EBPL: variants seen among roughly 807,000 people sequenced by gnomAD.
EBPL encodes EBP like.
A neutral mutation model predicts 19.0 loss-of-function variants in EBPL; 20 were observed. The ratio of observed to expected loss-of-function variants is 1.05; its 90% CI spans 0.74 to 1.53. The LOEUF (loss-of-function observed/expected upper bound fraction) is 1.53. Among genes scored for constraint, EBPL ranks in the 40% most tolerant of loss-of-function variants. The probability of loss-of-function intolerance (pLI) is 0.00; values close to 1 mark genes in which losing one functional copy is unlikely to be tolerated. For synonymous variants in EBPL, 107 were observed against 117.0 expected, an observed-to-expected ratio of 0.91 and a Z score of 0.55; for missense variants, 219 against 261.1, an observed-to-expected ratio of 0.84 and a Z score of 1.11.
At chr13:49,675,197 AT>A (rs1202606507) in intron 1 of EBPL, among the ~76,000 whole-genome samples, 1 of 152,228 alleles carries the variant, frequency 6.6e-6, no homozygotes, top group African/African-American at 2.4e-5. Context: ...CGTAGGCTAT[AT>A]GGATAGCCTT....
chr13:49,685,937 G>A (rs556180207), intron 1 of EBPL, among the ~76,000 whole-genome samples: 73 of 152,184 alleles, frequency 4.8e-4, no homozygotes, highest in Middle Eastern at 3.4e-3. Context: ...ACGGTGATGT[G>A]AACTGGAGAA....
chr13:49,669,691 T>C, intron 2 of EBPL, 86 bp downstream of exon 2: 6 of 1,136,278 alleles, frequency 5.3e-6, no homozygotes, highest in East Asian at 2.4e-5. Flanking sequence ...AATGAAGTCA[T>C]ACAGTATATA....
intron 2 of EBPL, among the ~76,000 whole-genome samples, chr13:49,664,001 C>T (rs1323880210): frequency 9.2e-5 from 14 of 152,232 alleles, no homozygotes; most frequent in Admixed American, 6.5e-4. Context: ...CCTGTAATCC[C>T]AGCACTTTGG....
chr13:49,666,946 T>C (rs1407099030), intron 2 of EBPL, among the ~76,000 whole-genome samples: 2 of 151,586 alleles, frequency 1.3e-5, no homozygotes, highest in Admixed American at 1.3e-4. Context: ...TCAGGCCTTA[T>C]ACCACAAGAG....
intron 2 of EBPL, among the ~76,000 whole-genome samples, chr13:49,663,425 T>C (rs571754630): frequency 6.6e-6 from 1 of 152,262 alleles, no homozygotes; most frequent in East Asian, 1.9e-4. Flanking sequence ...AATCATTCAG[T>C]TTCCAGCATG....
chr13:49,662,030 G>T, intron 3 of EBPL: 3 of 1,114,168 alleles, frequency 2.7e-6, no homozygotes, highest in Non-Finnish European at 3.9e-6. Context: ...GTCTCGCTCT[G>T]TCACCTAGGC....
intron 1 of EBPL, 65 bp downstream of exon 1, chr13:49,691,189 C>G (rs1954059726): frequency 1.6e-6 from 2 of 1,247,834 alleles, no homozygotes; most frequent in South Asian, 7.2e-5. Context: ...CCCCTCACCC[C>G]GCCTTGCCGC....
At chr13:49,665,713 G>A (rs1010361433) in intron 2 of EBPL, among the ~76,000 whole-genome samples, 1 of 109,602 alleles carries the variant, frequency 9.1e-6, no homozygotes, top group African/African-American at 3.2e-5. Context: ...CCTTCAACAA[G>A]TCTTTTTTTT....
In EBPL at chr13:49,661,033, G is replaced by A. The variant is rs1965137123; in HGVS notation, c.556C>T (p.Gln186Ter). Residue 186 changes from glutamine to a stop codon, truncating the protein, a stop_gained, in exon 4 of 4, where the codon CAG becomes TAG. Transcript: ENST00000242827. LOFTEE classifies it high-confidence loss of function. Reference sequence around the variant, plus strand: ...ATTTTCTTGAGTTCTAGCCATGACTGCCACAGTAGCAGTCCTGGGATCAGA... The same window carrying A: ...ATTTTCTTGAGTTCTAGCCATGACTACCACAGTAGCAGTCCTGGGATCAGA... ...WVLIPGLLLWQSWLELKKMHQ... is the reference protein window; with the variant it reads ...WVLIPGLLLW 6.2e-7 allele frequency: 1 copy of A among 1,614,086 alleles called. No individual in the cohort carries two copies. Among genetic ancestry groups the A allele is most frequent in the South Asian group, 1.1e-5 (1 of 91,070 alleles).
intron 1 of EBPL, among the ~76,000 whole-genome samples, chr13:49,672,959 C>A (rs552009315): frequency 1.3e-5 from 2 of 152,094 alleles, no homozygotes; most frequent in Non-Finnish European, 1.5e-5. Context: ...ACTTAGGAGG[C>A]TGAGGCAGGA....
At chr13:49,682,791 A>G (rs1037612527) in intron 1 of EBPL, among the ~76,000 whole-genome samples, 1 of 152,180 alleles carries the variant, frequency 6.6e-6, no homozygotes, top group African/African-American at 2.4e-5. Context: ...TTGCAGGGGA[A>G]AGGGGCATGC....
At chr13:49,661,900 A>C in intron 3 of EBPL, 1 of 1,550,656 alleles carries the variant, frequency 6.4e-7, no homozygotes, top group Non-Finnish European at 8.7e-7. Context: ...TCAGGATAGC[A>C]ATCTATTCAC....
intron 1 of EBPL, among the ~76,000 whole-genome samples, chr13:49,690,138 A>G (rs1193994043): frequency 6.8e-6 from 1 of 147,554 alleles, no homozygotes; most frequent in Non-Finnish European, 1.5e-5. Flanking sequence ...CAACAGTGTT[A>G]GACTCTGTCT....
intron 1 of EBPL, among the ~76,000 whole-genome samples, chr13:49,687,761 A>G (rs1368936966): frequency 1.3e-5 from 2 of 152,206 alleles, no homozygotes; most frequent in African/African-American, 2.4e-5. Context: ...TCTGGCCTTC[A>G]TTATGTTGTC....
At chr13:49,672,916 CG>C (rs1475407358) in intron 1 of EBPL, among the ~76,000 whole-genome samples, 1 of 151,970 alleles carries the variant, frequency 6.6e-6, no homozygotes, top group Non-Finnish European at 1.5e-5. Flanking sequence ...AACAATTAGC[CG>C]GGTGTGGTGG....
intron 1 of EBPL, among the ~76,000 whole-genome samples, chr13:49,671,075 C>T (rs1953810893): frequency 6.6e-6 from 1 of 152,168 alleles, no homozygotes; most frequent in Admixed American, 6.5e-5. Flanking sequence ...AATTTCTTTC[C>T]TTAGGGATCC....
intron 2 of EBPL, among the ~76,000 whole-genome samples, chr13:49,666,875 C>A (rs573379406): frequency 5.0e-4 from 71 of 142,728 alleles, no homozygotes; most frequent in African/African-American, 1.7e-3. Flanking sequence ...GGAGACAGAG[C>A]GAGACTCTGT....
intron 1 of EBPL, chr13:49,686,422 C>T: frequency 1.6e-6 from 2 of 1,255,686 alleles, no homozygotes; most frequent in Non-Finnish European, 1.0e-6. Flanking sequence ...CTGGAGCCTC[C>T]CTCCCATCAA....
chr13:49,673,183 T>A (rs1161206396), intron 1 of EBPL, among the ~76,000 whole-genome samples: 1 of 152,082 alleles, frequency 6.6e-6, no homozygotes, highest in Non-Finnish European at 1.5e-5. Flanking sequence ...AACACAGATT[T>A]CTGAAGGGAT....
Sources: gnomAD v4.1 joint callset for allele counts (sites outside exome capture counted in the v4.1 genomes callset) on GRCh38, gnomAD v4.1.1 for gene constraint, MANE v1.5 for transcripts, NCBI Gene and HGNC (gene_info 2026-07-23, HGNC 2026-07-21) for gene names.